Variants in ASIC2 observed in about 807,000 individuals in gnomAD.
The protein encoded by ASIC2 is acid-sensing ion channel 2.
A neutral mutation model predicts 57.3 loss-of-function variants in ASIC2; 25 were observed. That is an observed-to-expected ratio of 0.44 (90% CI 0.32 to 0.61). ASIC2 has a LOEUF of 0.61. Ranked by LOEUF, ASIC2 falls within the 20% of genes least tolerant of loss-of-function variation. The pLI is 0.06. For missense variants in ASIC2, 641 were observed against 738.1 expected, an observed-to-expected ratio of 0.87 and a Z score of 1.52; for synonymous variants, 319 against 307.5, an observed-to-expected ratio of 1.04 and a Z score of -0.39.
chr17:33,169,268 C>T (rs1905418126), intron 1 of ASIC2, among the ~76,000 whole-genome samples: 1 of 152,056 alleles, frequency 6.6e-6, no homozygotes, highest in African/African-American at 2.4e-5. Context: ...ATGGCTTCCT[C>T]CACCTAGATT....
intron 1 of ASIC2, among the ~76,000 whole-genome samples, chr17:33,820,838 G>A (rs192277155): frequency 9.9e-5 from 15 of 152,184 alleles, no homozygotes; most frequent in African/African-American, 3.4e-4. Flanking sequence ...CATCATGCCC[G>A]GCTCACTTAT....
intron 1 of ASIC2, among the ~76,000 whole-genome samples, chr17:33,579,077 G>A (rs182874611): frequency 1.0e-3 from 152 of 151,806 alleles, no homozygotes; most frequent in Non-Finnish European, 1.6e-3. Flanking sequence ...CTTGAGGTCA[G>A]GGATTCAGAC....
At chr17:33,691,455 T>A (rs1480733277) in intron 1 of ASIC2, among the ~76,000 whole-genome samples, 1 of 152,240 alleles carries the variant, frequency 6.6e-6, no homozygotes, top group African/African-American at 2.4e-5. Flanking sequence ...TGTTTTCATT[T>A]CTATTTCTCT....
At chr17:33,314,663 A>G (rs1461906398) in intron 1 of ASIC2, among the ~76,000 whole-genome samples, 2 of 152,232 alleles carry the variant, frequency 1.3e-5, no homozygotes, top group African/African-American at 2.4e-5. Flanking sequence ...AGCTCAGTGT[A>G]AAAGGTTTAA....
At chr17:33,239,401 A>T (rs1908421696) in intron 1 of ASIC2, among the ~76,000 whole-genome samples, 1 of 152,186 alleles carries the variant, frequency 6.6e-6, no homozygotes, top group South Asian at 2.1e-4. Context: ...TTTGTTTTCT[A>T]CATAACACTG....
At chr17:33,462,511 C>T (rs897933093) in intron 1 of ASIC2, among the ~76,000 whole-genome samples, 13 of 152,178 alleles carry the variant, frequency 8.5e-5, no homozygotes, top group African/African-American at 2.9e-4. Flanking sequence ...CCCAGGATGA[C>T]TCTGTGGAGC....
At chr17:33,971,239 G>A (rs1017201589) in intron 1 of ASIC2, among the ~76,000 whole-genome samples, 1 of 152,072 alleles carries the variant, frequency 6.6e-6, no homozygotes, top group Non-Finnish European at 1.5e-5. Flanking sequence ...TCCTGCCTTC[G>A]TTTCCTGGGT....
In ASIC2 at chr17:33,062,372, T is replaced by C. The variant is rs572722688; in HGVS notation, c.987+26491A>G. On this transcript the variant is annotated intron_variant, in intron 3 of 9. Transcript: ENST00000225823. ...TTCTGGTATGTTGTGTCTTTGTTCT[T>C]GTTGGTTTCAAAGAACATCTTTATT... is the stretch of plus-strand genomic sequence containing the variant. 6.1e-4 allele frequency among the ~76,000 whole-genome samples: 93 copies of C among 152,258 alleles called. 1 individual carries two copies. The highest frequency in any genetic ancestry group is 2.1e-3 in the African/African-American group (87 of 41,570).
intron 1 of ASIC2, among the ~76,000 whole-genome samples, chr17:33,774,516 T>G (rs1362240106): frequency 6.6e-6 from 1 of 152,196 alleles, no homozygotes; most frequent in Non-Finnish European, 1.5e-5. Context: ...CACCTCAGCC[T>G]GCCATCTCTA....
chr17:33,136,376 A>G (rs975831476), intron 1 of ASIC2, among the ~76,000 whole-genome samples: 1 of 152,232 alleles, frequency 6.6e-6, no homozygotes, highest in African/African-American at 2.4e-5. Context: ...TAATGACAAT[A>G]AAGTGTATAG....
chr17:33,772,590 T>G (rs75919425), intron 1 of ASIC2, among the ~76,000 whole-genome samples: 6,362 of 152,352 alleles, frequency 0.042, 286 homozygotes, highest in African/African-American at 0.12. Flanking sequence ...GTATGTAGTA[T>G]GTATACCTAT....
chr17:33,362,217 C>A (rs1567835907), intron 1 of ASIC2, among the ~76,000 whole-genome samples: 5 of 152,136 alleles, frequency 3.3e-5, no homozygotes, highest in Admixed American at 2.6e-4. Context: ...AACAATTTAG[C>A]CTCTCTCCCT....
At chr17:33,480,942 T>C (rs951997965) in intron 1 of ASIC2, among the ~76,000 whole-genome samples, 1 of 152,200 alleles carries the variant, frequency 6.6e-6, no homozygotes, top group Non-Finnish European at 1.5e-5. Context: ...AGGTTTGCTC[T>C]TTGACCTCAT....
chr17:33,754,732 A>G (rs11655594), intron 1 of ASIC2, among the ~76,000 whole-genome samples: 51,503 of 151,818 alleles, frequency 0.34, 10,646 homozygotes, highest in Non-Finnish European at 0.49. Flanking sequence ...CGAGGCGGGC[A>G]GATCACGAGG....
intron 1 of ASIC2, among the ~76,000 whole-genome samples, chr17:33,387,927 A>C (rs1909745710): frequency 6.6e-6 from 1 of 152,142 alleles, no homozygotes; most frequent in South Asian, 2.1e-4. Flanking sequence ...TAAAAATACA[A>C]AAATTAGCTG....
intron 5 of ASIC2, among the ~76,000 whole-genome samples, chr17:33,025,090 C>T (rs1303731719): frequency 6.6e-6 from 1 of 152,194 alleles, no homozygotes; most frequent in African/African-American, 2.4e-5. Flanking sequence ...AGCCTGCCCT[C>T]CCTCTCTAGT....
intron 1 of ASIC2, among the ~76,000 whole-genome samples, chr17:33,285,142 C>G (rs1905093625): frequency 6.6e-6 from 1 of 152,228 alleles, no homozygotes; most frequent in African/African-American, 2.4e-5. Flanking sequence ...TTTCTCCAGC[C>G]CTTCTCCATT....
chr17:33,043,083 C>T (rs967314352), intron 3 of ASIC2, among the ~76,000 whole-genome samples: 9 of 152,250 alleles, frequency 5.9e-5, no homozygotes, highest in South Asian at 2.1e-4. Flanking sequence ...CCTGCCACCA[C>T]GCCCGGCTAA....
chr17:33,722,027 G>A (rs1182156146), intron 1 of ASIC2, among the ~76,000 whole-genome samples: 1 of 152,180 alleles, frequency 6.6e-6, no homozygotes, highest in African/African-American at 2.4e-5. Context: ...AATATAGAAA[G>A]AACTACACAT....
Sources: allele counts gnomAD v4.1 joint callset (sites outside exome capture counted in the v4.1 genomes callset), GRCh38; gene constraint gnomAD v4.1.1; transcripts MANE v1.5; gene names NCBI Gene and HGNC (gene_info 2026-07-23, HGNC 2026-07-21).